KCNH8: variants seen among roughly 807,000 people sequenced by gnomAD.
KCNH8 encodes the protein potassium voltage-gated channel subfamily H member 8.
A neutral mutation model predicts 103.6 loss-of-function variants in KCNH8; 70 were observed. The observed-to-expected ratio is 0.68, with a 90% CI of 0.56 to 0.82. The LOEUF (loss-of-function observed/expected upper bound fraction) is 0.82. Ranked by LOEUF, KCNH8 falls within the 40% of genes least tolerant of loss-of-function variation. KCNH8 has a pLI of 0.00. For synonymous variants in KCNH8, 498 were observed against 489.4 expected, an observed-to-expected ratio of 1.02 and a Z score of -0.23; for missense variants, 1,217 against 1,329.9, an observed-to-expected ratio of 0.92 and a Z score of 1.32.
intron 2 of KCNH8, among the ~76,000 whole-genome samples, chr3:19,258,945 CTCTATATATATATATATA>C (rs1297873780): frequency 9.5e-5 from 4 of 42,234 alleles, no homozygotes; most frequent in Admixed American, 8.1e-4. Flanking sequence ...CTCTCTCTCT[CTCTATATATATATATATA>C]TATATATATA....
intron 1 of KCNH8, among the ~76,000 whole-genome samples, chr3:19,218,706 G>T (rs1032692790): frequency 1.3e-5 from 2 of 152,176 alleles, no homozygotes; most frequent in African/African-American, 4.8e-5. Context: ...TCCAGAAGCT[G>T]AAGTCTGAGA....
intron 11 of KCNH8, among the ~76,000 whole-genome samples, chr3:19,498,319 C>A (rs976798755): frequency 1.3e-5 from 2 of 152,128 alleles, no homozygotes; most frequent in African/African-American, 4.8e-5. Flanking sequence ...TGTATGGCTG[C>A]TTTATAGTGT....
At chr3:19,310,882 G>A (rs1156636977) in intron 3 of KCNH8, among the ~76,000 whole-genome samples, 1 of 151,824 alleles carries the variant, frequency 6.6e-6, no homozygotes, top group African/African-American at 2.4e-5. Context: ...CAGCCTGGGA[G>A]AATTATCCAT....
At chr3:19,405,656 A>T (rs1442287929) in intron 7 of KCNH8, among the ~76,000 whole-genome samples, 2 of 151,966 alleles carry the variant, frequency 1.3e-5, no homozygotes, top group Admixed American at 1.3e-4. Context: ...TGTGGTTCTC[A>T]AAAGTGTATT....
intron 5 of KCNH8, among the ~76,000 whole-genome samples, chr3:19,389,955 G>A (rs2066412500): frequency 6.6e-6 from 1 of 151,980 alleles, no homozygotes; most frequent in South Asian, 2.1e-4. Context: ...ACTTGACTCT[G>A]CCACTCTTGG....
intron 13 of KCNH8, among the ~76,000 whole-genome samples, chr3:19,513,675 A>T (rs866648143): frequency 6.6e-6 from 1 of 152,168 alleles, no homozygotes; most frequent in Non-Finnish European, 1.5e-5. Context: ...TATCCCCTCA[A>T]TGCTTGATCT....
intron 11 of KCNH8, among the ~76,000 whole-genome samples, chr3:19,509,525 T>C (rs1313375945): frequency 7.9e-5 from 12 of 152,298 alleles, no homozygotes; most frequent in African/African-American, 2.9e-4. Context: ...TTTATAATCA[T>C]GGTAGGTGCA....
chr3:19,254,003 C>G lies in KCNH8; in HGVS notation c.310+116C>G, dbSNP rs1174457628. 4.4e-6 allele frequency: 3 copies of G among 686,134 alleles called. No individual in the cohort carries two copies. The Admixed American group carries it at 7.6e-5, about 17-fold the overall frequency. The allele number at this position is 686,134 out of a possible 1,614,324, so 42.5% of individuals were successfully genotyped here. ...TAATGGCATTTCACATACATGCAGG[C>G]TGTTACAGAAGTTCCACAAATGACT... is the stretch of plus-strand genomic sequence containing the variant. On this transcript the variant is annotated intron_variant, in intron 2 of 15. Transcript: ENST00000328405.
chr3:19,508,203 T>C (rs1391712365), intron 11 of KCNH8, among the ~76,000 whole-genome samples: 1 of 152,214 alleles, frequency 6.6e-6, no homozygotes, highest in Non-Finnish European at 1.5e-5. Context: ...CCTGAAGTTT[T>C]CTGTTTTCAC....
chr3:19,201,501 C>G (rs17005751), intron 1 of KCNH8, among the ~76,000 whole-genome samples: 2,973 of 152,044 alleles, frequency 0.02, 91 homozygotes, highest in African/African-American at 0.066. Context: ...TGTGGTTTAA[C>G]AGTGAGAAAG....
intron 3 of KCNH8, among the ~76,000 whole-genome samples, chr3:19,299,097 A>G (rs997231867): frequency 6.6e-6 from 1 of 152,158 alleles, no homozygotes. Context: ...GGTGACACTG[A>G]CAGTGTCCCT....
At chr3:19,492,172 A>C (rs1004794761) in intron 11 of KCNH8, among the ~76,000 whole-genome samples, 6 of 152,146 alleles carry the variant, frequency 3.9e-5, no homozygotes, top group African/African-American at 1.4e-4. Context: ...GAAGCTCTTT[A>C]GTTTAATTAG....
At chr3:19,449,838 A>G (rs2067418348) in intron 8 of KCNH8, among the ~76,000 whole-genome samples, 1 of 152,102 alleles carries the variant, frequency 6.6e-6, no homozygotes, top group South Asian at 2.1e-4. Flanking sequence ...TTAAACGTAA[A>G]TCAAAGGGGC....
At chr3:19,440,672 G>C (rs2067269623) in intron 8 of KCNH8, among the ~76,000 whole-genome samples, 1 of 152,094 alleles carries the variant, frequency 6.6e-6, no homozygotes, top group East Asian at 1.9e-4. Flanking sequence ...GTGAGATTTT[G>C]GTTGGGGACA....
intron 1 of KCNH8, among the ~76,000 whole-genome samples, chr3:19,180,362 T>G (rs776802084): frequency 5.9e-4 from 90 of 152,178 alleles, no homozygotes; most frequent in Non-Finnish European, 1.0e-3. Context: ...CAGAGAGACA[T>G]GCTTCTTGTT....
intron 1 of KCNH8, among the ~76,000 whole-genome samples, chr3:19,198,266 A>G (rs1279114695): frequency 6.6e-6 from 1 of 152,148 alleles, no homozygotes; most frequent in Non-Finnish European, 1.5e-5. Flanking sequence ...GACAGGATGC[A>G]GAGGGAGAGT....
chr3:19,287,960 A>G (rs913914993), intron 3 of KCNH8, among the ~76,000 whole-genome samples: 1 of 151,844 alleles, frequency 6.6e-6, no homozygotes, highest in Non-Finnish European at 1.5e-5. Context: ...TGCCCTGTTC[A>G]TTTTCAGCTC....
At chr3:19,350,056 C>T (rs2065779271) in intron 5 of KCNH8, among the ~76,000 whole-genome samples, 1 of 152,074 alleles carries the variant, frequency 6.6e-6, no homozygotes, top group South Asian at 2.1e-4. Flanking sequence ...AAAAACTTTC[C>T]TATTCTTTCC....
chr3:19,422,794 C>T (rs1261401340), intron 7 of KCNH8, among the ~76,000 whole-genome samples: 1 of 151,996 alleles, frequency 6.6e-6, no homozygotes, highest in Non-Finnish European at 1.5e-5. Context: ...CCTAGTATTA[C>T]CTATAGGCAG....
Sources: allele counts gnomAD v4.1 joint callset (sites outside exome capture counted in the v4.1 genomes callset), GRCh38; gene constraint gnomAD v4.1.1; transcripts MANE v1.5; gene names NCBI Gene and HGNC (gene_info 2026-07-23, HGNC 2026-07-21).